The following RCSD1 variants were observed in gnomAD, a reference collection of about 807,000 sequenced individuals.
RCSD1 encodes the protein capZ-interacting protein.
In RCSD1, 26 loss-of-function variants were observed where a neutral mutation model predicts 42.5. The observed-to-expected ratio is 0.61, with a 90% CI of 0.45 to 0.85. The LOEUF (loss-of-function observed/expected upper bound fraction) is 0.85, where lower values mean the gene tolerates loss of function less well. Ranked by LOEUF, RCSD1 falls within the 40% of genes least tolerant of loss-of-function variation. The pLI, the probability that RCSD1 is intolerant of heterozygous loss-of-function variation, is 0.00. For missense variants in RCSD1, 571 were observed against 528.3 expected, an observed-to-expected ratio of 1.08 and a Z score of -0.79; for synonymous variants, 220 against 212.2, an observed-to-expected ratio of 1.04 and a Z score of -0.32.
At chr1:167,688,365 C>T (rs1347712413) in intron 3 of RCSD1, among the ~76,000 whole-genome samples, 2 of 152,034 alleles carry the variant, frequency 1.3e-5, no homozygotes, top group Non-Finnish European at 2.9e-5. Context: ...AACCCCAGCC[C>T]GTGTGAAATT....
chr1:167,694,055 C>G (rs772785692), intron 4 of RCSD1, 44 bp from the exon 5 acceptor site: 40 of 1,594,102 alleles, frequency 2.5e-5, no homozygotes, highest in Non-Finnish European at 1.2e-5. Flanking sequence ...AGGCTCTGAT[C>G]TTCTCCCTAG....
chr1:167,650,983 C>CA (rs1478935029), intron 1 of RCSD1, among the ~76,000 whole-genome samples: 1 of 152,208 alleles, frequency 6.6e-6, no homozygotes, highest in Non-Finnish European at 1.5e-5. Context: ...GAGGTGTCAG[C>CA]AGTGCTGGCT....
intron 1 of RCSD1, among the ~76,000 whole-genome samples, chr1:167,673,888 G>A (rs1037067237): frequency 1.3e-4 from 20 of 152,106 alleles, no homozygotes; most frequent in African/African-American, 2.2e-4. Context: ...AAGACTCTGC[G>A]TAAACATCAC....
chr1:167,686,038 T>C (rs1003511263), intron 3 of RCSD1, among the ~76,000 whole-genome samples: 1 of 152,156 alleles, frequency 6.6e-6, no homozygotes, highest in African/African-American at 2.4e-5. Flanking sequence ...CAGATATAAA[T>C]AGCCAACGTT....
At chr1:167,703,013 G>A (rs114628959) in intron 6 of RCSD1, among the ~76,000 whole-genome samples, 287 of 152,148 alleles carry the variant, frequency 1.9e-3, no homozygotes, top group African/African-American at 6.8e-3. Context: ...CATTCCCCTT[G>A]GTTTCTCAAC....
At chr1:167,652,041 A>AGAT (rs1180695965) in intron 1 of RCSD1, among the ~76,000 whole-genome samples, 10 of 49,788 alleles carry the variant, frequency 2.0e-4, no homozygotes, top group Non-Finnish European at 3.3e-4. Context: ...TTTTTTTTTG[A>AGAT]GATAGAGTCT....
At chr1:167,652,979 C>T (rs1188074092) in intron 1 of RCSD1, among the ~76,000 whole-genome samples, 2 of 152,150 alleles carry the variant, frequency 1.3e-5, no homozygotes, top group African/African-American at 4.8e-5. Flanking sequence ...AGAACAAAGA[C>T]TTCTCGAGCT....
chr1:167,638,679 T>G (rs1380317914), intron 1 of RCSD1, among the ~76,000 whole-genome samples: 1 of 152,202 alleles, frequency 6.6e-6, no homozygotes, highest in African/African-American at 2.4e-5. Flanking sequence ...CTCCGAGCCC[T>G]CCTCTGCACA....
intron 1 of RCSD1, among the ~76,000 whole-genome samples, chr1:167,676,481 A>G (rs1469283564): frequency 6.6e-6 from 1 of 152,226 alleles, no homozygotes; most frequent in Non-Finnish European, 1.5e-5. Flanking sequence ...GCAAGACTGA[A>G]ACCCAGATCT....
At position 167,706,267 on chromosome 1, in the gene RCSD1, T is replaced by C. The variant is rs1659755383; in HGVS notation, c.*1571T>C. 1.3e-5 allele frequency: 2 copies of C among 152,364 alleles called. No individual in the cohort carries two copies. Among genetic ancestry groups the C allele is most frequent in the East Asian group, 1.9e-4 (1 of 5,190 alleles). The allele number at this position is 152,364 out of a possible 1,614,324, so 9.4% of individuals were successfully genotyped here. A position where few individuals can be genotyped will look rare whatever the true frequency, so the allele number is the denominator to read the frequency against. Reference sequence around the variant, plus strand: ...ATTTGGGAGATGTGTGTGTCAATTATTTTGAGATCTATAAACTTGTCTGTC... The same window carrying C: ...ATTTGGGAGATGTGTGTGTCAATTACTTTGAGATCTATAAACTTGTCTGTC... On this transcript the variant is annotated 3_prime_UTR_variant, in exon 7 of 7. Transcript: ENST00000367854.
At chr1:167,637,756 A>G (rs910861240) in intron 1 of RCSD1, among the ~76,000 whole-genome samples, 10 of 151,986 alleles carry the variant, frequency 6.6e-5, no homozygotes, top group Non-Finnish European at 1.5e-4. Context: ...ACACACACAC[A>G]CACACACACC....
intron 1 of RCSD1, among the ~76,000 whole-genome samples, chr1:167,676,908 G>T (rs560344497): frequency 2.6e-5 from 4 of 152,318 alleles, no homozygotes; most frequent in Non-Finnish European, 4.4e-5. Context: ...AGCCCTGGAG[G>T]TTCCAAACAG....
chr1:167,683,862 A>G, intron 1 of RCSD1, 38 bp from the exon 2 acceptor site: 3 of 1,594,068 alleles, frequency 1.9e-6, no homozygotes, highest in Non-Finnish European at 2.6e-6. Context: ...TCTGGTACCC[A>G]TTTGCTGATT....
intron 1 of RCSD1, among the ~76,000 whole-genome samples, chr1:167,670,724 C>T (rs2102221506): frequency 1.3e-5 from 2 of 152,288 alleles, no homozygotes; most frequent in South Asian, 4.1e-4. Flanking sequence ...TCCTGCTCCT[C>T]CCCTCGGCTC....
chr1:167,643,618 G>A (rs1261765437), intron 1 of RCSD1, among the ~76,000 whole-genome samples: 1 of 152,192 alleles, frequency 6.6e-6, no homozygotes, highest in Non-Finnish European at 1.5e-5. Flanking sequence ...AATGGCTTAA[G>A]GGCTAAGAGC....
intron 1 of RCSD1, among the ~76,000 whole-genome samples, chr1:167,681,617 C>T (rs1203222896): frequency 6.6e-6 from 1 of 152,154 alleles, no homozygotes; most frequent in Non-Finnish European, 1.5e-5. Context: ...GATTCCTATA[C>T]AGCTCTATTT....
chr1:167,698,043 G>A (rs1332087945), intron 6 of RCSD1, among the ~76,000 whole-genome samples: 1 of 152,250 alleles, frequency 6.6e-6, no homozygotes, highest in Non-Finnish European at 1.5e-5. Context: ...AAGAGGAAGT[G>A]TGTCTTCTGC....
At chr1:167,632,181 C>G (rs528699640) in intron 1 of RCSD1, among the ~76,000 whole-genome samples, 1 of 152,240 alleles carries the variant, frequency 6.6e-6, no homozygotes, top group Non-Finnish European at 1.5e-5. Context: ...CAACACCCAG[C>G]TTCTTGGGTT....
At chr1:167,653,611 G>T (rs1261171650) in intron 1 of RCSD1, among the ~76,000 whole-genome samples, 3 of 152,232 alleles carry the variant, frequency 2.0e-5, no homozygotes, top group African/African-American at 7.2e-5. Flanking sequence ...CTAGGAATAT[G>T]GGGATGTCAA....
Sources: gnomAD v4.1 joint callset for allele counts (sites outside exome capture counted in the v4.1 genomes callset) on GRCh38, gnomAD v4.1.1 for gene constraint, MANE v1.5 for transcripts, NCBI Gene and HGNC (gene_info 2026-07-23, HGNC 2026-07-21) for gene names.